The following BUD23 variants were observed in gnomAD, a reference collection of about 807,000 sequenced individuals.
BUD23 encodes the protein BUD23 rRNA methyltransferase and ribosome maturation factor, also known as 18S rRNA (guanine-N(7))-methyltransferase.
Under a neutral mutation model 47.0 loss-of-function variants are expected in BUD23, and 34 were observed. That is an observed-to-expected ratio of 0.72 (90% CI 0.55 to 0.96). BUD23 has a LOEUF of 0.96. Ranked by LOEUF, BUD23 falls within the 40% of genes least tolerant of loss-of-function variation. BUD23 has a pLI of 0.00. For missense variants in BUD23, 343 were observed against 361.2 expected, an observed-to-expected ratio of 0.95 and a Z score of 0.41; for synonymous variants, 124 against 132.0, an observed-to-expected ratio of 0.94 and a Z score of 0.41.
At chr7:73,690,849 A>T in intron 5 of BUD23, 67 bp from the exon 6 acceptor site, 1 of 1,232,214 alleles carries the variant, frequency 8.1e-7, no homozygotes, top group Non-Finnish European at 1.2e-6. Context: ...TGATGTCAAG[A>T]GGCTTGAAGT....
chr7:73,684,989 A>T (rs919073628), intron 2 of BUD23, among the ~76,000 whole-genome samples: 2 of 141,466 alleles, frequency 1.4e-5, no homozygotes, highest in Non-Finnish European at 3.0e-5. Flanking sequence ...GTGCTCTCTC[A>T]CTGAGAGACT....
intron 5 of BUD23, among the ~76,000 whole-genome samples, chr7:73,687,463 G>A (rs570472413): frequency 2.2e-4 from 33 of 152,300 alleles, no homozygotes; most frequent in African/African-American, 7.7e-4. Flanking sequence ...TTTTAGTGGA[G>A]GTGAGGTTTC....
chr7:73,691,857 A>G (rs1798206903), intron 6 of BUD23, among the ~76,000 whole-genome samples: 3 of 152,218 alleles, frequency 2.0e-5, no homozygotes, highest in Admixed American at 1.3e-4. Flanking sequence ...GTCTGGCATC[A>G]GGCTCCCAAA....
intron 5 of BUD23, among the ~76,000 whole-genome samples, chr7:73,690,547 T>C (rs1798150427): frequency 6.6e-6 from 1 of 152,220 alleles, no homozygotes; most frequent in South Asian, 2.1e-4. Flanking sequence ...CTATGGGACA[T>C]AAATGCTGTC....
At chr7:73,694,222 G>C in intron 10 of BUD23, 172 bp downstream of exon 10, 1 of 672,676 alleles carries the variant, frequency 1.5e-6, no homozygotes, top group Non-Finnish European at 2.4e-6. Flanking sequence ...GGGGCTAGGG[G>C]TTTGGGGTCC....
chr7:73,698,046 A>G lies in BUD23; in HGVS notation c.*160A>G. 1 of 694,154 alleles carries G rather than the reference A, an allele frequency of 1.4e-6. No homozygotes were observed. The highest frequency in any genetic ancestry group is 2.2e-6 in the Non-Finnish European group (1 of 463,848). 43.0% of individuals were successfully genotyped at this position (694,154 alleles called of 1,614,324 possible). A position where few individuals can be genotyped will look rare whatever the true frequency, so the allele number is the denominator to read the frequency against. The stretch of plus-strand genomic sequence containing the variant: ...CGTGGTGGCTCACACCTGTAATCCC[A>G]GCACCTTGGGAGGCTGAGGTGGGAG... On this transcript the variant is annotated 3_prime_UTR_variant, in exon 12 of 12. Transcript: ENST00000265758.
intron 10 of BUD23, chr7:73,696,078 G>T (rs1798390706): frequency 6.6e-6 from 1 of 151,706 alleles, no homozygotes; most frequent in South Asian, 2.1e-4. Flanking sequence ...GAAGAGGGAG[G>T]TTATATCTGA....
chr7:73,684,539 T>A (rs1293948332), intron 2 of BUD23, among the ~76,000 whole-genome samples: 1 of 133,156 alleles, frequency 7.5e-6, no homozygotes, highest in Non-Finnish European at 1.5e-5. Flanking sequence ...GCTCAAGCGA[T>A]CCTCCCGCCT....
intron 2 of BUD23, 168 bp downstream of exon 2, chr7:73,683,972 T>C: frequency 6.7e-7 from 1 of 1,499,070 alleles, no homozygotes; most frequent in Non-Finnish European, 8.8e-7. Context: ...GTTGCCGACC[T>C]CTCTGGGCCT....
At chr7:73,685,952 C>T (rs1797949858) in intron 2 of BUD23, among the ~76,000 whole-genome samples, 1 of 151,594 alleles carries the variant, frequency 6.6e-6, no homozygotes, top group Non-Finnish European at 1.5e-5. Context: ...AAAAATTAGC[C>T]GGGCGTGGCG....
intron 2 of BUD23, among the ~76,000 whole-genome samples, chr7:73,684,490 G>T (rs1554612469): frequency 6.6e-6 from 1 of 151,846 alleles, no homozygotes; most frequent in Non-Finnish European, 1.5e-5. Context: ...TTGTTGCGAT[G>T]GGGTCTCGCT....
chr7:73,684,590 C>T (rs2116662831), intron 2 of BUD23, among the ~76,000 whole-genome samples: 1 of 128,158 alleles, frequency 7.8e-6, no homozygotes, highest in African/African-American at 3.0e-5. Context: ...TGAGCCAGCG[C>T]ACCTCGAGTC....
rs56229090 is a variant in BUD23, at chr7:73,684,923, CAAAAAAAAAAAAAAAAAAA to C, written c.86+1137_86+1155del. Among the ~76,000 whole-genome samples, 360 of 49,142 alleles carry C rather than the reference CAAAAAAAAAAAAAAAAAAA, an allele frequency of 7.3e-3. 8 individuals carry two copies. Among genetic ancestry groups the C allele is most frequent in the African/African-American group, 0.034 (297 of 8,832 alleles). 32.2% of individuals were successfully genotyped at this position (49,142 alleles called of 152,430 possible). Reference sequence around the variant, plus strand: ...TGGGCGACAGAGCAAGACTTTGTTTCAAAAAAAAAAAAAAAAAAAAAAAAAAAAAAAAAAAAGATACTTT... The same window carrying C: ...TGGGCGACAGAGCAAGACTTTGTTTCAAAAAAAAAAAAAAAAAGATACTTT... On this transcript the variant is annotated intron_variant, in intron 2 of 11. Coordinates refer to ENST00000265758, the MANE Select transcript of BUD23 (RefSeq NM_017528.5).
Position 73,698,090 on chromosome 7 carries a change from G to T in BUD23, c.*204G>T. On this transcript the variant is annotated 3_prime_UTR_variant, in exon 12 of 12. Coordinates refer to ENST00000265758, the MANE Select transcript of BUD23 (RefSeq NM_017528.5). ...GTGGGAGGATCATTTGAGGCCAGGAGTTTGAGACCTGCCTGGGCAACATAA... is the reference window on the plus strand; with the variant it reads ...GTGGGAGGATCATTTGAGGCCAGGATTTTGAGACCTGCCTGGGCAACATAA... 9 of 189,158 alleles carry T rather than the reference G, an allele frequency of 4.8e-5. No homozygotes were observed. Among genetic ancestry groups the T allele is most frequent in the African/African-American group, 5.2e-5 (2 of 38,352 alleles). 11.7% of individuals were successfully genotyped at this position (189,158 alleles called of 1,614,324 possible). A position where few individuals can be genotyped will look rare whatever the true frequency, so the allele number is the denominator to read the frequency against.
intron 9 of BUD23, 93 bp downstream of exon 9, chr7:73,693,762 G>T: frequency 6.5e-7 from 1 of 1,542,302 alleles, no homozygotes; most frequent in South Asian, 1.1e-5. Flanking sequence ...AACACTGGTG[G>T]GGAAGCAGGG....
chr7:73,693,949 G>A, intron 9 of BUD23, 43 bp from the exon 10 acceptor site: 1 of 1,609,260 alleles, frequency 6.2e-7, no homozygotes, highest in Non-Finnish European at 8.5e-7. Flanking sequence ...CAGATGGTTT[G>A]AGAACTCTCC....
Position 73,694,003 on chromosome 7 carries a change from A to G in BUD23, c.654A>G (p.Glu218=). The change falls in exon 10 of 12, where the codon GAA becomes GAG. Residue 218 remains glutamate (E), a synonymous_variant. Transcript: ENST00000265758. The part of the protein sequence containing the change: ...PSTFIPEGLS[E]NQDEVEPRES... ...TTTGGTTCCTGCAGGGGCTGAGTGA[A>G]AATCAGGATGAAGTTGAACCCAGGG... is the stretch of plus-strand genomic sequence containing the variant. The G allele has an allele frequency of 3.1e-6, 5 of 1,612,642 alleles. No individual in the cohort carries two copies. The highest frequency in any genetic ancestry group is 4.2e-6 in the Non-Finnish European group (5 of 1,179,648).
At chr7:73,686,113 AT>A (rs1303271022) in intron 2 of BUD23, among the ~76,000 whole-genome samples, 3 of 146,438 alleles carry the variant, frequency 2.0e-5, no homozygotes, top group Admixed American at 6.8e-5. Context: ...AAAAAAAAAA[AT>A]ATGACTCCAG....
At chr7:73,693,943 T>C in intron 9 of BUD23, 49 bp from the exon 10 acceptor site, 1 of 1,607,002 alleles carries the variant, frequency 6.2e-7, no homozygotes, top group African/African-American at 1.3e-5. Flanking sequence ...GTGGGGCAGA[T>C]GGTTTGAGAA....
Sources: gnomAD v4.1 joint callset for allele counts (sites outside exome capture counted in the v4.1 genomes callset) on GRCh38, gnomAD v4.1.1 for gene constraint, MANE v1.5 for transcripts, NCBI Gene and HGNC (gene_info 2026-07-23, HGNC 2026-07-21) for gene names.